The following ADGRV1 variants were observed in gnomAD, a reference collection of about 807,000 sequenced individuals.
The protein encoded by ADGRV1 is G-protein coupled receptor 98.
In ADGRV1, 359 loss-of-function variants were observed where a neutral mutation model predicts 596.2. The ratio of observed to expected loss-of-function variants is 0.60; its 90% CI spans 0.55 to 0.66. ADGRV1 has a LOEUF of 0.66. Ranked by LOEUF, ADGRV1 falls within the 30% of genes least tolerant of loss-of-function variation. The pLI, the probability that ADGRV1 is intolerant of heterozygous loss-of-function variation, is 0.00. For synonymous variants in ADGRV1, 2,681 were observed against 2,679.2 expected, an observed-to-expected ratio of 1.00 and a Z score of -0.02; for missense variants, 7,274 against 7,575.6, an observed-to-expected ratio of 0.96 and a Z score of 1.48.
chr5:91,101,625 G>A (rs1264218966), intron 86 of ADGRV1, among the ~76,000 whole-genome samples: 2 of 152,174 alleles, frequency 1.3e-5, no homozygotes, highest in East Asian at 1.9e-4. Flanking sequence ...TTCTGAAAAC[G>A]TCTGAAACAA....
chr5:91,056,874 C>T (rs879892628), intron 85 of ADGRV1, among the ~76,000 whole-genome samples: 5 of 152,050 alleles, frequency 3.3e-5, no homozygotes, highest in Non-Finnish European at 7.4e-5. Context: ...GAAAATCGCT[C>T]GAATTTACTT....
chr5:90,922,945 G>A lies in ADGRV1; in HGVS notation c.17857-42470G>A, dbSNP rs186325768. 4.6e-4 allele frequency among the ~76,000 whole-genome samples: 70 copies of A among 152,308 alleles called. No homozygotes were observed. In the East Asian group the frequency reaches 0.012, roughly 26 times the overall value. On this transcript the variant is annotated intron_variant, in intron 83 of 89. Transcript: ENST00000405460. ...TGTGGAGCCCTCAAAACCTTCCACA[G>A]AGTATCTGCTACATAGTGGCTCCTG...
intron 21 of ADGRV1, among the ~76,000 whole-genome samples, chr5:90,669,471 C>T (rs896986110): frequency 6.6e-6 from 1 of 151,748 alleles, no homozygotes; most frequent in Admixed American, 6.6e-5. Context: ...GTCGTTGACA[C>T]TTAAAAAAAA....
chr5:90,835,554 A>G (rs73179333), intron 77 of ADGRV1, among the ~76,000 whole-genome samples: 2,258 of 152,280 alleles, frequency 0.015, 14 homozygotes, highest in Middle Eastern at 0.048. Flanking sequence ...TGCATAACAT[A>G]TATCATAGTC....
intron 83 of ADGRV1, among the ~76,000 whole-genome samples, chr5:90,935,323 A>G (rs1003564790): frequency 1.3e-5 from 2 of 152,202 alleles, no homozygotes; most frequent in South Asian, 4.1e-4. Context: ...AGCCTTTTTG[A>G]TGTCATAAGA....
intron 50 of ADGRV1, among the ~76,000 whole-genome samples, chr5:90,736,721 T>C (rs1753273957): frequency 6.6e-6 from 1 of 152,006 alleles, no homozygotes; most frequent in Non-Finnish European, 1.5e-5. Context: ...TAGACGTTTA[T>C]TCATTTTTTC....
intron 27 of ADGRV1, among the ~76,000 whole-genome samples, chr5:90,682,312 A>C (rs1049346772): frequency 6.6e-6 from 1 of 152,214 alleles, no homozygotes; most frequent in Non-Finnish European, 1.5e-5. Flanking sequence ...TCTTTCTGGA[A>C]GTGATTTACA....
At chr5:90,854,612 C>T (rs1766848807) in intron 81 of ADGRV1, among the ~76,000 whole-genome samples, 1 of 152,138 alleles carries the variant, frequency 6.6e-6, no homozygotes, top group African/African-American at 2.4e-5. Flanking sequence ...AATTCTAGTC[C>T]ACATGGCTTG....
intron 83 of ADGRV1, among the ~76,000 whole-genome samples, chr5:90,911,496 T>C (rs1334503253): frequency 1.3e-5 from 2 of 152,196 alleles, no homozygotes; most frequent in African/African-American, 4.8e-5. Context: ...CTGTGGAAAC[T>C]AAAAAGCTAA....
intron 88 of ADGRV1, among the ~76,000 whole-genome samples, chr5:91,151,404 AAG>A (rs768696938): frequency 3.9e-5 from 6 of 152,198 alleles, no homozygotes; most frequent in Non-Finnish European, 7.3e-5. Flanking sequence ...ATTTTGATCA[AAG>A]GGTACAAAAT....
rs1783632262 is a variant in ADGRV1, at chr5:91,021,550, T to C, written c.18152+36028T>C. On this transcript the variant is annotated intron_variant, in intron 85 of 89. Transcript: ENST00000405460. ...AAGAGACCTAATTAAGCCCACACAGTGAACCAGGTTAGAGACTGCTTATCT... is the reference window on the plus strand; with the variant it reads ...AAGAGACCTAATTAAGCCCACACAGCGAACCAGGTTAGAGACTGCTTATCT... 3.3e-5 allele frequency among the ~76,000 whole-genome samples: 5 copies of C among 152,096 alleles called. No homozygotes were observed. In the South Asian group the frequency reaches 1.0e-3, roughly 31 times the overall value.
chr5:91,046,046 T>C (rs1347169504), intron 85 of ADGRV1, among the ~76,000 whole-genome samples: 1 of 152,194 alleles, frequency 6.6e-6, no homozygotes, highest in African/African-American at 2.4e-5. Context: ...ACGCATCCCA[T>C]GCTCATGGAT....
In ADGRV1 at chr5:90,928,943, C is replaced by T. The variant is rs568491524; in HGVS notation, c.17857-36472C>T. Among the ~76,000 whole-genome samples, 812 of 143,264 alleles carry T rather than the reference C, an allele frequency of 5.7e-3. 6 individuals are homozygous for T. The highest frequency in any genetic ancestry group is 0.038 in the Middle Eastern group (11 of 290). 94.0% of individuals were successfully genotyped at this position (143,264 alleles called of 152,430 possible). A position where few individuals can be genotyped will look rare whatever the true frequency, so the allele number is the denominator to read the frequency against. ...GGGGGTGCCTCCCAGTTAGGCTGCT[C>T]GGGGGTCAGGGGTCAGGGACCCACT... On this transcript the variant is annotated intron_variant, in intron 83 of 89. Coordinates refer to ENST00000405460, the MANE Select transcript of ADGRV1 (RefSeq NM_032119.4).
intron 52 of ADGRV1, among the ~76,000 whole-genome samples, chr5:90,747,585 T>C (rs986405655): frequency 6.6e-6 from 1 of 151,980 alleles, no homozygotes; most frequent in African/African-American, 2.4e-5. Flanking sequence ...TCACAAGATG[T>C]ATAAAATGTT....
At chr5:90,624,862 G>T (rs1580494036) in intron 5 of ADGRV1, among the ~76,000 whole-genome samples, 1 of 138,818 alleles carries the variant, frequency 7.2e-6, no homozygotes, top group South Asian at 2.5e-4. Context: ...AGAAATATTT[G>T]TAGAGTTTTT....
At chr5:91,101,766 C>T (rs1791394007) in intron 86 of ADGRV1, among the ~76,000 whole-genome samples, 1 of 146,764 alleles carries the variant, frequency 6.8e-6, no homozygotes, top group East Asian at 2.0e-4. Flanking sequence ...ACAGGTTTTT[C>T]CAACACACAC....
chr5:90,629,563 G>A (rs371369761), intron 9 of ADGRV1, 24 bp downstream of exon 9: 344 of 1,511,026 alleles, frequency 2.3e-4, no homozygotes, highest in Non-Finnish European at 2.9e-4. Context: ...TAAAATAATC[G>A]TAATTTTGGT....
At chr5:90,765,726 A>G (rs1211796925) in intron 59 of ADGRV1, among the ~76,000 whole-genome samples, 1 of 151,788 alleles carries the variant, frequency 6.6e-6, no homozygotes, top group African/African-American at 2.4e-5. Context: ...TTTTGGAGAC[A>G]AGGGGTCTTA....
intron 86 of ADGRV1, among the ~76,000 whole-genome samples, chr5:91,087,633 A>C (rs1185780776): frequency 2.6e-5 from 4 of 152,196 alleles, no homozygotes; most frequent in African/African-American, 9.6e-5. Context: ...CATTTTATCT[A>C]ATACATTTTG....
Sources: allele counts gnomAD v4.1 joint callset (sites outside exome capture counted in the v4.1 genomes callset), GRCh38; gene constraint gnomAD v4.1.1; transcripts MANE v1.5; gene names NCBI Gene and HGNC (gene_info 2026-07-23, HGNC 2026-07-21).